Variants in SCNN1G observed in about 807,000 individuals in gnomAD.
The protein encoded by SCNN1G is epithelial sodium channel subunit gamma.
Under a neutral mutation model 64.6 loss-of-function variants are expected in SCNN1G, and 27 were observed. The observed-to-expected ratio is 0.42, with a 90% confidence interval of 0.31 to 0.58. The LOEUF is 0.58. SCNN1G is among the 20% of genes least tolerant of loss of function. The pLI is 0.18. For synonymous variants in SCNN1G, 330 were observed against 314.2 expected (o/e 1.05, Z -0.53); for missense variants, 743 against 823.4 (o/e 0.90, Z 1.19).
chr16:23,199,370 T>C (rs897599734), intron 6 of SCNN1G, among the ~76,000 whole-genome samples: 4 of 152,194 alleles, frequency 2.6e-5, no homozygotes, highest in African/African-American at 9.6e-5. Flanking sequence ...CCCCCATTGA[T>C]AGACATTAGG....
At chr16:23,213,301 G>A in intron 11 of SCNN1G, 138 bp downstream of exon 11, 1 of 674,594 alleles carries the variant, frequency 1.5e-6, no homozygotes, top group Non-Finnish European at 2.6e-6. Context: ...CACCCAGGCT[G>A]GAGTGCAGTG....
At chr16:23,190,037 TC>T (rs1216479874) in intron 3 of SCNN1G, among the ~76,000 whole-genome samples, 1 of 151,182 alleles carries the variant, frequency 6.6e-6, no homozygotes, top group Non-Finnish European at 1.5e-5. Flanking sequence ...GCCACTGCAC[TC>T]CAGCCTGAGT....
chr16:23,184,411 T>C (rs189378194), intron 1 of SCNN1G, among the ~76,000 whole-genome samples: 21 of 152,332 alleles, frequency 1.4e-4, no homozygotes, highest in African/African-American at 4.8e-4. Flanking sequence ...ATTTTTTTCT[T>C]TCTTTCCTTC....
chr16:23,210,022 T>C (rs1229892002), intron 7 of SCNN1G, among the ~76,000 whole-genome samples, 174 bp downstream of exon 7: 1 of 152,208 alleles, frequency 6.6e-6, no homozygotes, highest in Non-Finnish European at 1.5e-5. Context: ...CTGCAGTTCG[T>C]CTGTAACCAG....
chr16:23,210,569 G>A (rs911438169), intron 7 of SCNN1G, among the ~76,000 whole-genome samples: 2 of 152,154 alleles, frequency 1.3e-5, no homozygotes, highest in Non-Finnish European at 2.9e-5. Context: ...GAGATGATCT[G>A]TTCTGCCTCC....
chr16:23,205,573 A>G (rs1186314904), intron 6 of SCNN1G, among the ~76,000 whole-genome samples: 2 of 151,924 alleles, frequency 1.3e-5, no homozygotes, highest in African/African-American at 2.4e-5. Flanking sequence ...GGAGGCACAC[A>G]CCTATAATCC....
chr16:23,209,078 C>T (rs1264622684), intron 6 of SCNN1G, among the ~76,000 whole-genome samples: 1 of 152,140 alleles, frequency 6.6e-6, no homozygotes, highest in Non-Finnish European at 1.5e-5. Context: ...CATACCAGCC[C>T]ATCTTGCTTC....
At chr16:23,206,817 A>G (rs1959998934) in intron 6 of SCNN1G, among the ~76,000 whole-genome samples, 1 of 152,118 alleles carries the variant, frequency 6.6e-6, no homozygotes, top group African/African-American at 2.4e-5. Flanking sequence ...ACACTTTTAC[A>G]TGCATAAGTG....
intron 6 of SCNN1G, among the ~76,000 whole-genome samples, chr16:23,199,491 G>A (rs543834752): frequency 6.6e-6 from 1 of 152,058 alleles, no homozygotes; most frequent in African/African-American, 2.4e-5. Context: ...CCCCCAATGA[G>A]GATATAGCAA....
chr16:23,192,856 G>T (rs530262326), intron 4 of SCNN1G, among the ~76,000 whole-genome samples: 2 of 151,574 alleles, frequency 1.3e-5, no homozygotes, highest in East Asian at 2.0e-4. Flanking sequence ...ATCACTTGAG[G>T]CTAGGAGTTC....
At chr16:23,209,725 T>G in intron 6 of SCNN1G, 25 bp from the exon 7 acceptor site, 2 of 1,572,330 alleles carry the variant, frequency 1.3e-6, no homozygotes, top group Non-Finnish European at 1.8e-6. Context: ...AGGACAGGGC[T>G]GAGTGTGTGC....
chr16:23,183,583 A>T (rs1463860569), intron 1 of SCNN1G, among the ~76,000 whole-genome samples: 2 of 152,172 alleles, frequency 1.3e-5, no homozygotes, highest in East Asian at 3.9e-4. Context: ...AGGGCCCTGG[A>T]ATTCTAAAGA....
chr16:23,194,619 T>C (rs1959766265), intron 5 of SCNN1G, among the ~76,000 whole-genome samples: 1 of 152,222 alleles, frequency 6.6e-6, no homozygotes, highest in African/African-American at 2.4e-5. Context: ...CCAGATATGC[T>C]GAACAGATTA....
At chr16:23,210,464 C>G (rs1337460886) in intron 7 of SCNN1G, among the ~76,000 whole-genome samples, 1 of 152,194 alleles carries the variant, frequency 6.6e-6, no homozygotes, top group African/African-American at 2.4e-5. Flanking sequence ...ATAAATGAAG[C>G]AGGTGTTCTC....
chr16:23,203,678 G>A (rs1464175210), intron 6 of SCNN1G, among the ~76,000 whole-genome samples: 3 of 143,562 alleles, frequency 2.1e-5, no homozygotes, highest in African/African-American at 7.7e-5. Context: ...GCTGAGACAG[G>A]AGAATGGCAT....
At chr16:23,197,480 TC>T in intron 6 of SCNN1G, 53 bp downstream of exon 6, 1 of 1,543,110 alleles carries the variant, frequency 6.5e-7, no homozygotes, top group Non-Finnish European at 9.0e-7. Flanking sequence ...TCTTTTTTTT[TC>T]CAAGGATAAC....
intron 4 of SCNN1G, among the ~76,000 whole-genome samples, chr16:23,193,791 G>A (rs1193522695): frequency 6.6e-6 from 1 of 152,206 alleles, no homozygotes; most frequent in Non-Finnish European, 1.5e-5. Flanking sequence ...CCAAAGTCAT[G>A]TAAGGGCACA....
At chr16:23,187,446 G>T (rs116063672) in intron 2 of SCNN1G, among the ~76,000 whole-genome samples, 1,540 of 152,244 alleles carry the variant, frequency 0.01, 23 homozygotes, top group African/African-American at 0.033. Context: ...CCCAGAGAGA[G>T]CAGAAAGAGG....
chr16:23,215,272 C>A lies in SCNN1G; in HGVS notation c.1753C>A (p.Pro585Thr), dbSNP rs779033031. 1 of 1,614,152 alleles carries A rather than the reference C, an allele frequency of 6.2e-7. No homozygotes were observed. Residue 585 changes from proline to threonine, a missense_variant, in exon 13 of 13, where the codon CCC becomes ACC. By Grantham distance (38) the Pro-to-Thr change is conservative. Transcript: ENST00000300061. Reference sequence around the variant, plus strand: ...ACAGGCTCCCCCATGTCCAGAAGCTCCCCGTAGCCCACAGGGCCAGGACAA... The same window carrying A: ...ACAGGCTCCCCCATGTCCAGAAGCTACCCGTAGCCCACAGGGCCAGGACAA... ...WKQAPPCPEAPRSPQGQDNPA... is the reference protein window; with the variant it reads ...WKQAPPCPEATRSPQGQDNPA...
Sources: allele counts gnomAD v4.1 joint callset (sites outside exome capture counted in the v4.1 genomes callset), GRCh38; gene constraint gnomAD v4.1.1; transcripts MANE v1.5; gene names NCBI Gene and HGNC (gene_info 2026-07-23, HGNC 2026-07-21).